The following CAPN13 variants were observed in gnomAD, a reference collection of about 807,000 sequenced individuals.
The protein encoded by CAPN13 is calpain-13.
CAPN13 carries 90 observed loss-of-function variants against 98.4 expected under a neutral mutation model. The ratio of observed to expected loss-of-function variants is 0.92; its 90% CI spans 0.77 to 1.09. The LOEUF is 1.09. CAPN13 is among the 50% of genes least tolerant of loss of function. CAPN13 has a pLI of 0.00. For synonymous variants in CAPN13, 330 were observed against 305.5 expected (o/e 1.08, Z -0.84); for missense variants, 887 against 841.3 (o/e 1.05, Z -0.67).
rs200982720 is a variant in CAPN13, at chr2:30,726,719, GA to G, written c.*31-3484del. Among the ~76,000 whole-genome samples, 184 of 152,078 alleles carry G rather than the reference GA, an allele frequency of 1.2e-3. 2 individuals are homozygous for G. In the East Asian group the frequency reaches 0.033, roughly 27 times the overall value. On this transcript the variant is annotated intron_variant, in intron 22 of 22. Coordinates refer to ENST00000295055, the MANE Select transcript of CAPN13 (RefSeq NM_144575.3). The stretch of plus-strand genomic sequence containing the variant: ...TAAATCATTGTTCAAAAAAATTAAA[GA>G]AGATATAGAAAAATGAAGAGACGCA...
intron 2 of CAPN13, 71 bp from the exon 3 acceptor site, chr2:30,777,710 T>G (rs1673775414): frequency 7.8e-7 from 1 of 1,286,780 alleles, no homozygotes; most frequent in Non-Finnish European, 1.1e-6. Flanking sequence ...ATCATTCACT[T>G]TGTCTTTCAA....
chr2:30,752,907 G>C (rs1572818109), intron 10 of CAPN13, 146 bp downstream of exon 10: 1 of 859,116 alleles, frequency 1.2e-6, no homozygotes, highest in Non-Finnish European at 1.8e-6. Flanking sequence ...AGCAGTCGCT[G>C]TCTCTTCATG....
intron 1 of CAPN13, among the ~76,000 whole-genome samples, chr2:30,798,608 G>A (rs1261354088): frequency 6.6e-6 from 1 of 152,230 alleles, no homozygotes; most frequent in Non-Finnish European, 1.5e-5. Flanking sequence ...ACAGGAAGCT[G>A]CATTCAATGG....
intron 1 of CAPN13, among the ~76,000 whole-genome samples, chr2:30,797,260 T>A (rs1253676733): frequency 6.6e-6 from 1 of 152,074 alleles, no homozygotes; most frequent in Non-Finnish European, 1.5e-5. Context: ...GCCCCACAAC[T>A]GTACTCCCAA....
At chr2:30,764,050 C>G in intron 6 of CAPN13, 82 bp downstream of exon 6, 5 of 1,396,420 alleles carry the variant, frequency 3.6e-6, no homozygotes, top group Non-Finnish European at 4.9e-6. Flanking sequence ...GCCACATCCT[C>G]CTTAGCTGAA....
At chr2:30,802,985 G>A (rs892538457) in intron 1 of CAPN13, among the ~76,000 whole-genome samples, 3 of 152,166 alleles carry the variant, frequency 2.0e-5, no homozygotes, top group Non-Finnish European at 4.4e-5. Context: ...TTGACGGAAC[G>A]TGCATCTGGT....
chr2:30,761,428 T>C (rs1342030054), intron 7 of CAPN13, among the ~76,000 whole-genome samples: 1 of 152,202 alleles, frequency 6.6e-6, no homozygotes, highest in Non-Finnish European at 1.5e-5. Context: ...AGCTCCCCTT[T>C]GTCACCCTAG....
intron 1 of CAPN13, among the ~76,000 whole-genome samples, chr2:30,799,618 C>T (rs10203688): frequency 0.4 from 61,197 of 152,080 alleles, 13,776 homozygotes; most frequent in Admixed American, 0.54. Flanking sequence ...AGCATGCCTC[C>T]GTCCCTGCCG....
rs1225419103 is a variant in CAPN13 at position 30,735,625 on chromosome 2, TG to T, written c.1722+877del. 3.9e-5 allele frequency among the ~76,000 whole-genome samples: 6 copies of T among 152,176 alleles called. No individual in the cohort carries two copies. In the East Asian group the frequency reaches 1.2e-3, roughly 29 times the overall value. On this transcript the variant is annotated intron_variant, in intron 18 of 22. Coordinates refer to ENST00000295055, the MANE Select transcript of CAPN13 (RefSeq NM_144575.3). Reference sequence around the variant, plus strand: ...CCCGGGGGACCCAGGGGAGTGGACATGCCAGCCGTCGCAGTGCCCTGCAATG... The same window carrying T: ...CCCGGGGGACCCAGGGGAGTGGACATCCAGCCGTCGCAGTGCCCTGCAATG...
chr2:30,738,534 AG>A (rs35032002), intron 15 of CAPN13, 77 bp from the exon 16 acceptor site: 351,694 of 1,457,222 alleles, frequency 0.24, 47,419 homozygotes, highest in Non-Finnish European at 0.28. Flanking sequence ...GCCGTGTAAA[AG>A]CACTCAGATT....
Position 30,754,379 on chromosome 2 carries a change from A to T in CAPN13, c.867-15T>A. The T allele has an allele frequency of 6.3e-7, 1 of 1,590,906 alleles. No individual in the cohort carries two copies. The highest frequency in any genetic ancestry group is 1.4e-5 in the African/African-American group (1 of 73,996). On this transcript the variant is annotated splice_polypyrimidine_tract_variant and intron_variant, in intron 8 of 22. Transcript: ENST00000295055. ...ACTCCTGAGACCTGAGCATGGACAC[A>T]CAAACCACAGGGTGAGATTTTCCAG...
At chr2:30,793,875 T>C (rs973880267) in intron 1 of CAPN13, among the ~76,000 whole-genome samples, 25 of 151,652 alleles carry the variant, frequency 1.6e-4, no homozygotes, top group Non-Finnish European at 2.5e-4. Flanking sequence ...GATTTCTAAA[T>C]GGGAAAAGTA....
intron 15 of CAPN13, among the ~76,000 whole-genome samples, chr2:30,740,857 G>A (rs146074272): frequency 2.0e-5 from 3 of 152,316 alleles, no homozygotes; most frequent in Admixed American, 6.5e-5. Context: ...ATCCTAATCC[G>A]GCCCTGCTAA....
At position 30,763,077 on chromosome 2, in the gene CAPN13, C is replaced by A; in HGVS notation, c.774+5G>T. The A allele has an allele frequency of 6.2e-7, 1 of 1,605,742 alleles. No homozygotes were observed. Among genetic ancestry groups the A allele is most frequent in the Non-Finnish European group, 8.5e-7 (1 of 1,175,934 alleles). Reference sequence around the variant, plus strand: ...AGAGCTGGACAGGCCAGCAGCCAGCCTTACCTGCTCAGCCCCAGTCACAGT... The same window carrying A: ...AGAGCTGGACAGGCCAGCAGCCAGCATTACCTGCTCAGCCCCAGTCACAGT... On this transcript the variant is annotated splice_donor_5th_base_variant and intron_variant, in intron 7 of 22. Coordinates refer to ENST00000295055, the MANE Select transcript of CAPN13 (RefSeq NM_144575.3).
At chr2:30,750,591 A>G (rs972326289) in intron 11 of CAPN13, among the ~76,000 whole-genome samples, 1 of 152,036 alleles carries the variant, frequency 6.6e-6, no homozygotes, top group Non-Finnish European at 1.5e-5. Flanking sequence ...TAAGAGAAAA[A>G]CACACCTCCC....
At chr2:30,733,854 G>A (rs1671221218) in intron 19 of CAPN13, among the ~76,000 whole-genome samples, 1 of 152,178 alleles carries the variant, frequency 6.6e-6, no homozygotes, top group South Asian at 2.1e-4. Context: ...TTTCCCCATT[G>A]GGACAGTAGA....
At chr2:30,763,383 C>G (rs1558319545) in intron 6 of CAPN13, among the ~76,000 whole-genome samples, 1 of 152,144 alleles carries the variant, frequency 6.6e-6, no homozygotes, top group East Asian at 1.9e-4. Context: ...GTGATAGAAC[C>G]CCGTGGAGTC....
chr2:30,732,614 G>A (rs751255617), intron 19 of CAPN13, 48 bp from the exon 20 acceptor site: 2 of 1,573,724 alleles, frequency 1.3e-6, no homozygotes, highest in Non-Finnish European at 1.7e-6. Context: ...AGGGCTCGGG[G>A]GTTCCTCTGC....
chr2:30,750,374 G>A (rs1672113045), intron 11 of CAPN13, among the ~76,000 whole-genome samples: 1 of 152,058 alleles, frequency 6.6e-6, no homozygotes, highest in African/African-American at 2.4e-5. Flanking sequence ...TAATACCTGG[G>A]TAATGAAATA....
Sources: gnomAD v4.1 joint callset for allele counts (sites outside exome capture counted in the v4.1 genomes callset) on GRCh38, gnomAD v4.1.1 for gene constraint, MANE v1.5 for transcripts, NCBI Gene and HGNC (gene_info 2026-07-23, HGNC 2026-07-21) for gene names.